Variants in RRP15 observed in about 807,000 individuals in gnomAD.
The protein encoded by RRP15 is RRP15-like protein.
In RRP15, 18 loss-of-function variants were observed where a neutral mutation model predicts 27.1. The ratio of observed to expected loss-of-function variants is 0.66; its 90% CI spans 0.46 to 0.98. The LOEUF is 0.98. RRP15 is among the 50% of genes least tolerant of loss of function. The pLI, the probability that RRP15 is intolerant of heterozygous loss-of-function variation, is 0.00. For missense variants in RRP15, 359 were observed against 337.8 expected, an observed-to-expected ratio of 1.06 and a Z score of -0.49; for synonymous variants, 107 against 109.4, an observed-to-expected ratio of 0.98 and a Z score of 0.14.
In RRP15 at chr1:218,285,398, A is replaced by G. The variant is rs1655528160; in HGVS notation, c.82A>G (p.Thr28Ala). ...CCCAAAGAAGAAGATGAAAATGGTA[A>G]CTGGAGCCGTAGCGTCGGTGCTGGA... The part of the protein sequence containing the change: ...KTPKKKMKMV[T>A]GAVASVLEDE... The change falls in exon 1 of 5, where the codon ACT (threonine) becomes GCT (alanine). Residue 28 changes from threonine (T) to alanine (A), a missense_variant. Coordinates refer to ENST00000366932, the MANE Select transcript of RRP15 (RefSeq NM_016052.4). 2.5e-6 allele frequency: 4 copies of G among 1,614,176 alleles called. No homozygotes were observed. Among genetic ancestry groups the G allele is most frequent in the South Asian group, 2.2e-5 (2 of 91,082 alleles).
At chr1:218,288,430 T>C (rs981973037) in intron 1 of RRP15, among the ~76,000 whole-genome samples, 4 of 152,230 alleles carry the variant, frequency 2.6e-5, no homozygotes, top group African/African-American at 7.2e-5. Flanking sequence ...ATGTGCCTGG[T>C]TCTGTTCTGA....
chr1:218,290,029 T>C (rs935732541), intron 1 of RRP15, among the ~76,000 whole-genome samples: 2 of 152,198 alleles, frequency 1.3e-5, no homozygotes, highest in East Asian at 3.9e-4. Flanking sequence ...TACCTATCTG[T>C]TGGGCCTGTC....
intron 4 of RRP15, among the ~76,000 whole-genome samples, chr1:218,315,705 C>T (rs1184844004): frequency 1.3e-5 from 2 of 151,878 alleles, no homozygotes; most frequent in Admixed American, 1.3e-4. Context: ...ATCCTCCGAC[C>T]TGGGCCTCCC....
rs371037511 is a variant in RRP15, at chr1:218,313,632, A to G, written c.705+6000A>G. On this transcript the variant is annotated intron_variant, in intron 4 of 4. Transcript: ENST00000366932. ...GCATTTGGTTAGTGCGGGAAATAGC[A>G]TGGCCAGAAACAAGGAGGCAACCAG... Among the ~76,000 whole-genome samples, 39 of 152,320 alleles carry G rather than the reference A, an allele frequency of 2.6e-4. No individual in the cohort carries two copies. The South Asian group carries it at 7.5e-3, about 29-fold the overall frequency.
chr1:218,319,181 C>T (rs1656138509), intron 4 of RRP15, among the ~76,000 whole-genome samples: 1 of 151,910 alleles, frequency 6.6e-6, no homozygotes, highest in African/African-American at 2.4e-5. Flanking sequence ...TCTCCTACCT[C>T]AGCCTCCTGA....
Position 218,307,574 on chromosome 1 carries a change from G to A in RRP15, c.647G>A (p.Gly216Glu), listed in dbSNP as rs749015202. 6.2e-7 allele frequency: 1 copy of A among 1,613,916 alleles called. No individual in the cohort carries two copies. Among genetic ancestry groups the A allele is most frequent in the Non-Finnish European group, 8.5e-7 (1 of 1,179,886 alleles). ...SKKDFISVLR[G>E]MDGSTNETAS... ...AAAGATTTCATCAGTGTTTTGAGAGGGATGGATGGAAGTACAAATGAGACT... is the reference window on the plus strand; with the variant it reads ...AAAGATTTCATCAGTGTTTTGAGAGAGATGGATGGAAGTACAAATGAGACT... The change falls in exon 4 of 5, where the codon GGG (glycine) becomes GAG (glutamate). Residue 216 changes from glycine to glutamate, a missense_variant. Gly to Glu is a moderately conservative substitution (Grantham distance 98). Coordinates refer to ENST00000366932, the MANE Select transcript of RRP15 (RefSeq NM_016052.4).
intron 1 of RRP15, among the ~76,000 whole-genome samples, chr1:218,297,244 C>A (rs10495097): frequency 0.029 from 4,463 of 152,236 alleles, 87 homozygotes; most frequent in East Asian, 0.073. Flanking sequence ...TATGCTATAA[C>A]TCTCTAGTCA....
At chr1:218,324,508 C>A (rs1186266744) in intron 4 of RRP15, among the ~76,000 whole-genome samples, 3 of 152,236 alleles carry the variant, frequency 2.0e-5, no homozygotes, top group African/African-American at 7.2e-5. Flanking sequence ...GCTTCCGCTC[C>A]TGCTACCACC....
rs1403155594 is a variant in RRP15, at chr1:218,330,239, C to T, written c.706-709C>T. The stretch of plus-strand genomic sequence containing the variant: ...ACTTAATTGATACCACAAGGTGGTA[C>T]TGTTGTACCATGAAATGAAAGGCTG... On this transcript the variant is annotated intron_variant, in intron 4 of 4. Transcript: ENST00000366932. 5.3e-5 allele frequency among the ~76,000 whole-genome samples: 8 copies of T among 152,244 alleles called. No individual in the cohort carries two copies. In the East Asian group the frequency reaches 1.2e-3, roughly 22 times the overall value.
At chr1:218,288,703 C>G (rs6680590) in intron 1 of RRP15, among the ~76,000 whole-genome samples, 12,067 of 152,210 alleles carry the variant, frequency 0.079, 850 homozygotes, top group African/African-American at 0.19. Flanking sequence ...AAAGTGAAAG[C>G]GTTGGGCCTT....
rs1656425907 is a variant in RRP15, at chr1:218,334,846, C to T, written c.*3755C>T. Reference sequence around the variant, plus strand: ...TATAAAAAGCTCTCTCACTCCTTCCCCAAGAAAACAGGAGTCTGAATTTTG... The same window carrying T: ...TATAAAAAGCTCTCTCACTCCTTCCTCAAGAAAACAGGAGTCTGAATTTTG... On this transcript the variant is annotated 3_prime_UTR_variant, in exon 5 of 5. Transcript: ENST00000366932. 1 of 152,166 alleles carries T rather than the reference C, an allele frequency of 6.6e-6. No homozygotes were observed. The highest frequency in any genetic ancestry group is 1.5e-5 in the Non-Finnish European group (1 of 68,034). The allele number at this position is 152,166 out of a possible 1,614,324, so 9.4% of individuals were successfully genotyped here. A position where few individuals can be genotyped will look rare whatever the true frequency, so the allele number is the denominator to read the frequency against.
In RRP15 at chr1:218,295,912, CT is replaced by C. The variant is rs1215112015; in HGVS notation, c.140-6371del. 3.8e-3 allele frequency among the ~76,000 whole-genome samples: 563 copies of C among 147,354 alleles called. 4 individuals are homozygous for C. Among genetic ancestry groups the C allele is most frequent in the African/African-American group, 0.012 (485 of 40,406 alleles). On this transcript the variant is annotated intron_variant, in intron 1 of 4. Coordinates refer to ENST00000366932, the MANE Select transcript of RRP15 (RefSeq NM_016052.4). The stretch of plus-strand genomic sequence containing the variant: ...GATGACTTCATTTTTTCAAAGGTAA[CT>C]TTTTTTTTTTGAAGTTTTAAAGCAT...
chr1:218,308,062 CTTT>C (rs56813511), intron 4 of RRP15, among the ~76,000 whole-genome samples: 299 of 66,876 alleles, frequency 4.5e-3, no homozygotes, highest in African/African-American at 0.016. Flanking sequence ...TTCTTTCTTT[CTTT>C]TTTTTTTTTT....
chr1:218,297,372 G>A (rs575843721), intron 1 of RRP15, among the ~76,000 whole-genome samples: 1 of 152,252 alleles, frequency 6.6e-6, no homozygotes, highest in East Asian at 1.9e-4. Flanking sequence ...CATTGTATGT[G>A]TCTGTGAGTG....
intron 1 of RRP15, among the ~76,000 whole-genome samples, chr1:218,293,515 C>A (rs1327744932): frequency 2.0e-5 from 3 of 152,094 alleles, no homozygotes; most frequent in Non-Finnish European, 2.9e-5. Flanking sequence ...CTTGTTTTAT[C>A]AGGAAACTGA....
chr1:218,332,896 T>C lies in RRP15; in HGVS notation c.*1805T>C, dbSNP rs956133179. The C allele has an allele frequency of 1.3e-5, 2 of 151,072 alleles. No homozygotes were observed. Among genetic ancestry groups the C allele is most frequent in the African/African-American group, 4.9e-5 (2 of 41,150 alleles). 9.4% of individuals were successfully genotyped at this position (151,072 alleles called of 1,614,324 possible). ...AAAAAAAAAAAAAAAGTGCAGCAAC[T>C]TAAACACATTTTTCTCCCCAGAACT... On this transcript the variant is annotated 3_prime_UTR_variant, in exon 5 of 5. Coordinates refer to ENST00000366932, the MANE Select transcript of RRP15 (RefSeq NM_016052.4).
At chr1:218,314,889 G>C (rs1656055904) in intron 4 of RRP15, among the ~76,000 whole-genome samples, 1 of 151,728 alleles carries the variant, frequency 6.6e-6, no homozygotes, top group South Asian at 2.1e-4. Context: ...CTACTTGGGA[G>C]GCTGAGGCAG....
chr1:218,309,086 C>T (rs1318311092), intron 4 of RRP15, among the ~76,000 whole-genome samples: 1 of 152,118 alleles, frequency 6.6e-6, no homozygotes, highest in Admixed American at 6.6e-5. Context: ...TTACCATTTG[C>T]ACTTGCCCTT....
chr1:218,329,376 C>T (rs1025653783), intron 4 of RRP15, among the ~76,000 whole-genome samples: 4 of 151,314 alleles, frequency 2.6e-5, no homozygotes, highest in African/African-American at 7.3e-5. Flanking sequence ...GCCATGATAA[C>T]GCCACTGCAC....
Sources: gnomAD v4.1 joint callset for allele counts (sites outside exome capture counted in the v4.1 genomes callset) on GRCh38, gnomAD v4.1.1 for gene constraint, MANE v1.5 for transcripts, NCBI Gene and HGNC (gene_info 2026-07-23, HGNC 2026-07-21) for gene names.